Variants in LRP1B observed in about 807,000 individuals in gnomAD.
The protein encoded by LRP1B is low-density lipoprotein receptor-related protein 1B.
Under a neutral mutation model 556.6 loss-of-function variants are expected in LRP1B, and 217 were observed. That is an observed-to-expected ratio of 0.39 (90% CI 0.35 to 0.44). The LOEUF (loss-of-function observed/expected upper bound fraction) is 0.44, where lower values mean the gene tolerates loss of function less well. Ranked by LOEUF, LRP1B falls within the 20% of genes least tolerant of loss-of-function variation. The probability of loss-of-function intolerance (pLI) is 1.00; values close to 1 mark genes in which losing one functional copy is unlikely to be tolerated. For missense variants in LRP1B, 5,053 were observed against 5,620.8 expected, an observed-to-expected ratio of 0.90 and a Z score of 3.23; for synonymous variants, 2,047 against 1,865.8, an observed-to-expected ratio of 1.10 and a Z score of -2.50.
chr2:141,157,941 T>C (rs1050991980), intron 7 of LRP1B, among the ~76,000 whole-genome samples: 1 of 152,168 alleles, frequency 6.6e-6, no homozygotes, highest in African/African-American at 2.4e-5. Flanking sequence ...TGCTCTAATA[T>C]GTGCATGTAT....
At chr2:141,615,892 A>G (rs1399658935) in intron 2 of LRP1B, among the ~76,000 whole-genome samples, 2 of 152,192 alleles carry the variant, frequency 1.3e-5, no homozygotes, top group African/African-American at 4.8e-5. Flanking sequence ...ATAGCAAATG[A>G]AGATCCAAGC....
At chr2:141,472,485 A>C (rs1428966667) in intron 3 of LRP1B, among the ~76,000 whole-genome samples, 4 of 152,202 alleles carry the variant, frequency 2.6e-5, no homozygotes, top group Non-Finnish European at 5.9e-5. Context: ...GGTTGCAATG[A>C]GCTGAAATTG....
chr2:140,352,039 A>ATCTTAATAATGTCCAATCATACTT (rs1681984907), intron 76 of LRP1B, among the ~76,000 whole-genome samples: 1 of 152,110 alleles, frequency 6.6e-6, no homozygotes, highest in Non-Finnish European at 1.5e-5. Flanking sequence ...TGTAATAACA[A>ATCTTAATAATGTCCAATCATACTT]TCTTAATAAT....
chr2:141,774,378 C>A (rs62168696), intron 2 of LRP1B, among the ~76,000 whole-genome samples: 11,137 of 152,000 alleles, frequency 0.073, 522 homozygotes, highest in Non-Finnish European at 0.1. Flanking sequence ...TATTACATGG[C>A]GAGAGAGAGG....
intron 2 of LRP1B, among the ~76,000 whole-genome samples, chr2:141,750,500 C>G (rs1244076366): frequency 6.6e-6 from 1 of 152,114 alleles, no homozygotes; most frequent in East Asian, 1.9e-4. Flanking sequence ...TCCTTGGACT[C>G]CACCGCTAGT....
intron 41 of LRP1B, among the ~76,000 whole-genome samples, chr2:140,615,198 C>T (rs187090471): frequency 3.3e-5 from 5 of 152,192 alleles, no homozygotes; most frequent in Admixed American, 6.6e-5. Flanking sequence ...CCAGCTGGTG[C>T]CACCTGGACT....
chr2:140,824,733 G>A (rs1691446227), intron 31 of LRP1B, among the ~76,000 whole-genome samples: 1 of 152,194 alleles, frequency 6.6e-6, no homozygotes, highest in Non-Finnish European at 1.5e-5. Context: ...CAAATGAAAT[G>A]CAACATGAAT....
intron 43 of LRP1B, among the ~76,000 whole-genome samples, chr2:140,588,639 T>G (rs1682086100): frequency 6.6e-6 from 1 of 152,284 alleles, no homozygotes; most frequent in East Asian, 1.9e-4. Context: ...GCCCAAATGA[T>G]TTTTGAAAAA....
At chr2:141,302,196 G>A (rs533341940) in intron 3 of LRP1B, among the ~76,000 whole-genome samples, 6 of 152,076 alleles carry the variant, frequency 3.9e-5, no homozygotes, top group African/African-American at 1.4e-4. Flanking sequence ...TTGTCATTCT[G>A]TTAAATATCT....
intron 43 of LRP1B, among the ~76,000 whole-genome samples, chr2:140,598,029 C>T (rs1025831): frequency 0.21 from 31,310 of 152,096 alleles, 3,524 homozygotes; most frequent in Admixed American, 0.28. Flanking sequence ...GCAGCTACTC[C>T]TCACAGGACA....
chr2:140,516,816 C>A (rs2104938257), intron 50 of LRP1B, 73 bp downstream of exon 50: 1 of 1,335,626 alleles, frequency 7.5e-7, no homozygotes. Flanking sequence ...TGTATAAAAT[C>A]CCTACATAAG....
intron 15 of LRP1B, among the ~76,000 whole-genome samples, chr2:140,994,470 G>A (rs1026563460): frequency 1.3e-5 from 2 of 151,512 alleles, no homozygotes; most frequent in African/African-American, 4.8e-5. Context: ...TAATGGAGAG[G>A]AGAAGAGGAG....
At chr2:140,281,656 C>T (rs758605518) in intron 84 of LRP1B, among the ~76,000 whole-genome samples, 1 of 151,758 alleles carries the variant, frequency 6.6e-6, no homozygotes, top group Non-Finnish European at 1.5e-5. Flanking sequence ...TTTAAGTATG[C>T]ATTTGATAAT....
At chr2:140,598,152 AAG>A (rs1292221559) in intron 43 of LRP1B, among the ~76,000 whole-genome samples, 2 of 152,202 alleles carry the variant, frequency 1.3e-5, no homozygotes, top group East Asian at 1.9e-4. Flanking sequence ...ACCCAGAGAA[AAG>A]AGAGTCCAGT....
At chr2:140,867,967 G>T in intron 26 of LRP1B, 132 bp downstream of exon 26, 1 of 1,283,700 alleles carries the variant, frequency 7.8e-7, no homozygotes, top group Non-Finnish European at 1.0e-6. Context: ...CTGATTTGGG[G>T]CAAGCAAAAA....
intron 56 of LRP1B, among the ~76,000 whole-genome samples, chr2:140,493,030 T>C (rs1046056990): frequency 6.6e-6 from 1 of 152,156 alleles, no homozygotes; most frequent in Non-Finnish European, 1.5e-5. Flanking sequence ...AATCTTCACC[T>C]CTCTTAGAAA....
At chr2:140,677,570 C>T (rs1323474792) in intron 41 of LRP1B, among the ~76,000 whole-genome samples, 1 of 151,934 alleles carries the variant, frequency 6.6e-6, no homozygotes, top group Non-Finnish European at 1.5e-5. Context: ...TGGGTATACA[C>T]AAAGGTAATA....
At chr2:141,882,822 C>G (rs941531608) in intron 1 of LRP1B, among the ~76,000 whole-genome samples, 4 of 152,160 alleles carry the variant, frequency 2.6e-5, no homozygotes, top group African/African-American at 9.7e-5. Context: ...ATCCTACCAC[C>G]TCAGCCTCTC....
chr2:140,653,003 C>T (rs1684743705), intron 41 of LRP1B, among the ~76,000 whole-genome samples: 1 of 152,046 alleles, frequency 6.6e-6, no homozygotes. Flanking sequence ...AGCTAAGTAG[C>T]ACCATACGTT....
Sources: gnomAD v4.1 joint callset for allele counts (sites outside exome capture counted in the v4.1 genomes callset) on GRCh38, gnomAD v4.1.1 for gene constraint, MANE v1.5 for transcripts, NCBI Gene and HGNC (gene_info 2026-07-23, HGNC 2026-07-21) for gene names.